The following ANKS1B variants were observed in gnomAD, a reference collection of about 807,000 sequenced individuals.
The protein encoded by ANKS1B is ankyrin repeat and sterile alpha motif domain-containing protein 1B.
A neutral mutation model predicts 148.3 loss-of-function variants in ANKS1B; 36 were observed. The observed-to-expected ratio is 0.24, with a 90% CI of 0.19 to 0.32. The LOEUF is 0.32. Ranked by LOEUF, ANKS1B falls within the 10% of genes least tolerant of loss-of-function variation. ANKS1B has a pLI of 1.00. For missense variants in ANKS1B, 1,157 were observed against 1,542.6 expected (o/e 0.75, Z 4.19); for synonymous variants, 542 against 560.8 (o/e 0.97, Z 0.47).
At chr12:99,482,222 G>A (rs2096421932) in intron 10 of ANKS1B, among the ~76,000 whole-genome samples, 1 of 151,956 alleles carries the variant, frequency 6.6e-6, no homozygotes, top group African/African-American at 2.4e-5. Context: ...GAGAGATAGG[G>A]AACCAGTTTC....
intron 1 of ANKS1B, among the ~76,000 whole-genome samples, chr12:99,940,471 T>C (rs1369868696): frequency 2.6e-5 from 4 of 152,136 alleles, no homozygotes; most frequent in Non-Finnish European, 5.9e-5. Context: ...AAAGATAATC[T>C]GTAGGTTACC....
At chr12:99,742,528 T>C (rs1277609081) in intron 8 of ANKS1B, among the ~76,000 whole-genome samples, 1 of 152,110 alleles carries the variant, frequency 6.6e-6, no homozygotes, top group Non-Finnish European at 1.5e-5. Flanking sequence ...AAGTGAAATA[T>C]ACATTAAAAT....
At chr12:99,095,347 G>A (rs983818486) in intron 15 of ANKS1B, among the ~76,000 whole-genome samples, 5 of 152,148 alleles carry the variant, frequency 3.3e-5, no homozygotes, top group African/African-American at 1.2e-4. Context: ...AGTTGTCATT[G>A]GGGAACTTCT....
chr12:99,007,359 G>T (rs2099936710), intron 17 of ANKS1B, among the ~76,000 whole-genome samples: 1 of 152,186 alleles, frequency 6.6e-6, no homozygotes, highest in Non-Finnish European at 1.5e-5. Flanking sequence ...TACTAGGCCT[G>T]TTGGACTTTT....
At chr12:99,833,555 A>G (rs1368562365) in intron 1 of ANKS1B, among the ~76,000 whole-genome samples, 7 of 152,238 alleles carry the variant, frequency 4.6e-5, no homozygotes, top group African/African-American at 9.6e-5. Context: ...AAATGCATCA[A>G]TGATGAGATA....
intron 12 of ANKS1B, among the ~76,000 whole-genome samples, chr12:99,318,028 G>T (rs559938603): frequency 6.6e-6 from 1 of 152,178 alleles, no homozygotes; most frequent in African/African-American, 2.4e-5. Flanking sequence ...CTTGATCGTG[G>T]TGGATAAGAT....
chr12:99,067,879 TGTG>T (rs2044911348), intron 16 of ANKS1B, among the ~76,000 whole-genome samples: 1 of 28,396 alleles, frequency 3.5e-5, no homozygotes, highest in African/African-American at 7.4e-5. Context: ...TGTGTGTGCA[TGTG>T]TGTGTGTGTG....
At chr12:99,681,646 C>T (rs911876565) in intron 8 of ANKS1B, among the ~76,000 whole-genome samples, 10 of 152,192 alleles carry the variant, frequency 6.6e-5, no homozygotes, top group Admixed American at 6.5e-4. Context: ...GGGAAGAACA[C>T]CACATCAAGA....
intron 8 of ANKS1B, among the ~76,000 whole-genome samples, chr12:99,757,520 G>A (rs972921632): frequency 6.6e-6 from 1 of 151,982 alleles, no homozygotes; most frequent in Non-Finnish European, 1.5e-5. Flanking sequence ...CATTATAGAA[G>A]ACAGTACGGT....
At chr12:99,884,070 C>T (rs1603431593) in intron 1 of ANKS1B, among the ~76,000 whole-genome samples, 1 of 151,806 alleles carries the variant, frequency 6.6e-6, no homozygotes, top group South Asian at 2.1e-4. Context: ...TAGGTTGGTG[C>T]AAAAGTAATT....
At chr12:99,565,330 G>T (rs1388196708) in intron 9 of ANKS1B, among the ~76,000 whole-genome samples, 1 of 152,068 alleles carries the variant, frequency 6.6e-6, no homozygotes, top group African/African-American at 2.4e-5. Context: ...GCAGCTCCTG[G>T]GGCACAAATC....
intron 16 of ANKS1B, among the ~76,000 whole-genome samples, chr12:99,067,867 CGTGTGTGTGCATGTGTGTGT>C (rs1170471699): frequency 7.2e-6 from 1 of 137,942 alleles, no homozygotes; most frequent in African/African-American, 2.6e-5. Context: ...GTTGTATGTG[CGTGTGTGTGCATGTGTGTGT>C]GTGTGTGTGT....
Position 99,418,580 on chromosome 12 carries a change from T to A in ANKS1B, c.1576-18769A>T, listed in dbSNP as rs562241127. Among the ~76,000 whole-genome samples, 40 of 152,318 alleles carry A rather than the reference T, an allele frequency of 2.6e-4. No homozygotes were observed. The South Asian group carries it at 5.4e-3, about 20-fold the overall frequency. On this transcript the variant is annotated intron_variant, in intron 11 of 26. Transcript: ENST00000683438. ...TCGGATTTCTACGAAGACAATCATG[T>A]CATCTGCAAATAGGAAGTTTCAGTT...
At chr12:98,934,448 C>T (rs2099816581) in intron 17 of ANKS1B, among the ~76,000 whole-genome samples, 1 of 151,856 alleles carries the variant, frequency 6.6e-6, no homozygotes, top group Non-Finnish European at 1.5e-5. Flanking sequence ...CTTTTTTCTT[C>T]TTTCTCAAGA....
rs1418682066 is a variant in ANKS1B at position 99,246,754 on chromosome 12, A to G, written c.1867T>C (p.Phe623Leu). The change falls in exon 13 of 27, where the codon TTT becomes CTT. Residue 623 changes from phenylalanine (F) to leucine (L), a missense_variant. Physicochemically the swap from Phe to Leu is conservative, Grantham distance 22. This residue lies in a region of ANKS1B where 661 missense variants were observed against 642.1 expected (regional missense o/e 1.03). Transcript: ENST00000683438. Reference protein sequence around the residue: ...SPACESPENPFHLYGKREQCE... With the variant: ...SPACESPENPLHLYGKREQCE... ...TGTTCTCTTTTCCCATAGAGATGAA[A>G]TGGATTTTCAGGGGACTCACAGGCT... 6.2e-7 allele frequency: 1 copy of G among 1,613,796 alleles called. No homozygotes were observed. Among genetic ancestry groups the G allele is most frequent in the Non-Finnish European group, 8.5e-7 (1 of 1,179,890 alleles).
chr12:99,521,983 A>G (rs1000550898), intron 9 of ANKS1B, among the ~76,000 whole-genome samples: 6 of 152,196 alleles, frequency 3.9e-5, no homozygotes, highest in Admixed American at 1.3e-4. Context: ...AAGTTCCCCT[A>G]GGTCCTGGGT....
intron 12 of ANKS1B, among the ~76,000 whole-genome samples, chr12:99,306,317 C>T (rs374143955): frequency 5.9e-5 from 9 of 152,130 alleles, no homozygotes; most frequent in East Asian, 3.9e-4. Context: ...TCTCTAGACC[C>T]GATGCCATCA....
intron 8 of ANKS1B, among the ~76,000 whole-genome samples, chr12:99,719,156 C>T (rs951950831): frequency 1.9e-4 from 29 of 152,144 alleles, no homozygotes; most frequent in Non-Finnish European, 2.6e-4. Flanking sequence ...CAGCGGCTGC[C>T]GCTGCTTTAA....
chr12:99,594,211 A>C (rs1050074622), intron 9 of ANKS1B, among the ~76,000 whole-genome samples: 2 of 152,110 alleles, frequency 1.3e-5, no homozygotes, highest in African/African-American at 4.8e-5. Context: ...ATAAAACTGA[A>C]GTGGTCCTGA....
Sources: gnomAD v4.1 joint callset for allele counts (sites outside exome capture counted in the v4.1 genomes callset) on GRCh38, gnomAD v4.1.1 for gene constraint, gnomAD v4.1.1 regional missense constraint, MANE v1.5 for transcripts, NCBI Gene and HGNC (gene_info 2026-07-23, HGNC 2026-07-21) for gene names.